The following ATG16L1 variants were observed in gnomAD, a reference collection of about 807,000 sequenced individuals.
ATG16L1 encodes the protein autophagy related 16 like 1.
In ATG16L1, 37 loss-of-function variants were observed where a neutral mutation model predicts 88.5. That is an observed-to-expected ratio of 0.42 (90% CI 0.32 to 0.55). The LOEUF is 0.55. Among genes scored for constraint, ATG16L1 ranks in the 20% least tolerant of loss-of-function variants. The pLI is 0.13. For synonymous variants in ATG16L1, 301 were observed against 281.0 expected (o/e 1.07, Z -0.71); for missense variants, 554 against 752.8 (o/e 0.74, Z 3.09).
intron 12 of ATG16L1, chr2:233,283,019 G>C (rs1698820036): frequency 4.6e-5 from 17 of 367,542 alleles, no homozygotes; most frequent in Middle Eastern, 8.7e-4. Context: ...TACTTTGGTA[G>C]ATAGCAATTT....
chr2:233,251,942 T>C lies in ATG16L1; in HGVS notation c.115T>C (p.Tyr39His). 6.5e-7 allele frequency: 1 copy of C among 1,536,824 alleles called. No individual in the cohort carries two copies. The highest frequency in any genetic ancestry group is 8.8e-7 in the Non-Finnish European group (1 of 1,139,898). Residue 39 changes from tyrosine (Y) to histidine (H), a missense_variant and splice_region_variant, in exon 1 of 18, where the codon TAT (tyrosine) becomes CAT (histidine). Tyr to His is a moderately conservative substitution (Grantham distance 83, BLOSUM62 2). Transcript: ENST00000392017. ...RQAFEEIILQYNKLLEKSDLH... is the reference protein window; with the variant it reads ...RQAFEEIILQHNKLLEKSDLH... ...GGCGTTCGAGGAGATCATCCTGCAGTGTGAGCGGCGCCGGTGCGGGCTGGG... is the reference window on the plus strand; with the variant it reads ...GGCGTTCGAGGAGATCATCCTGCAGCGTGAGCGGCGCCGGTGCGGGCTGGG...
rs1697332714 is a variant in ATG16L1 at position 233,263,116 on chromosome 2, G to C, written c.210-14G>C. ...TTTGCACATTCTCTTCATCTGCCTG[G>C]TTTGCCAATTTAGTCCCGGACATGA... On this transcript the variant is annotated splice_polypyrimidine_tract_variant and intron_variant, in intron 2 of 17. Coordinates refer to ENST00000392017, the MANE Select transcript of ATG16L1 (RefSeq NM_030803.7). 1 of 1,612,374 alleles carries C rather than the reference G, an allele frequency of 6.2e-7. No individual in the cohort carries two copies. The highest frequency in any genetic ancestry group is 8.5e-7 in the Non-Finnish European group (1 of 1,178,670).
rs1041907389 is a variant in ATG16L1 at position 233,292,538 on chromosome 2, C to CTA, written c.1628+106_1628+107dup. ...AGCTAAATTTTGTTCAGTGCCCAAC[C>CTA]TATGTTTCCAGGAGTGTGCCTGTAA... On this transcript the variant is annotated intron_variant, in intron 16 of 17. Transcript: ENST00000392017. 4.3e-6 allele frequency: 6 copies of CTA among 1,407,338 alleles called. No individual in the cohort carries two copies. The African/African-American group carries it at 8.5e-5, about 20-fold the overall frequency. The allele number at this position is 1,407,338 out of a possible 1,614,324, so 87.2% of individuals were successfully genotyped here. A position where few individuals can be genotyped will look rare whatever the true frequency, so the allele number is the denominator to read the frequency against.
chr2:233,270,000 A>C lies in ATG16L1; in HGVS notation c.642-2A>C. The stretch of plus-strand genomic sequence containing the variant: ...GGGCTTTTTTTTTTTTTTTCCCAAC[A>C]GGAGGCGGCAAGCCCGGCTGCAGAA... On this transcript the variant is annotated splice_acceptor_variant, in intron 5 of 17. Coordinates refer to ENST00000392017, the MANE Select transcript of ATG16L1 (RefSeq NM_030803.7). LOFTEE classifies it high-confidence loss of function. The C allele has an allele frequency of 1.3e-6, 2 of 1,569,318 alleles. No individual in the cohort carries two copies. The highest frequency in any genetic ancestry group is 1.7e-6 in the Non-Finnish European group (2 of 1,163,750).
In ATG16L1 at chr2:233,251,861, C is replaced by T. The variant is rs1405291656; in HGVS notation, c.34C>T (p.Arg12Cys). Reference sequence around the variant, plus strand: ...GGGCCTCCGCGCCGCTGACTTCCCCCGCTGGAAGCGCCACATCTCGGAGCA... The same window carrying T: ...GGGCCTCCGCGCCGCTGACTTCCCCTGCTGGAAGCGCCACATCTCGGAGCA... The part of the protein sequence containing the change: ...SSGLRAADFP[R>C]WKRHISEQLR... The change falls in exon 1 of 18, where the codon CGC (arginine) becomes TGC (cysteine). Residue 12 changes from arginine to cysteine, a missense_variant. Transcript: ENST00000392017. The T allele has an allele frequency of 1.9e-6, 3 of 1,550,360 alleles. No homozygotes were observed. Among genetic ancestry groups the T allele is most frequent in the Admixed American group, 2.0e-5 (1 of 51,076 alleles).
intron 12 of ATG16L1, chr2:233,282,984 T>G (rs1339957668): frequency 2.1e-6 from 1 of 479,820 alleles, no homozygotes; most frequent in African/African-American, 2.0e-5. Context: ...ATGAAAACCT[T>G]GGAATACTCT....
intron 6 of ATG16L1, among the ~76,000 whole-genome samples, chr2:233,272,106 G>C (rs1187573093): frequency 6.6e-6 from 1 of 152,216 alleles, no homozygotes; most frequent in Admixed American, 6.5e-5. Flanking sequence ...AACAGTAGGT[G>C]ATGAAATCTT....
chr2:233,295,112 C>T lies in ATG16L1; in HGVS notation c.*762C>T, dbSNP rs1471717813. On this transcript the variant is annotated 3_prime_UTR_variant, in exon 18 of 18. Coordinates refer to ENST00000392017, the MANE Select transcript of ATG16L1 (RefSeq NM_030803.7). ...TGCAGACACCCAGAAGGTGGGTGCA[C>T]ACTGCATGCTTGGGGGTGCCAAGGG... The T allele has an allele frequency of 1.3e-5, 2 of 152,542 alleles. No homozygotes were observed. The highest frequency in any genetic ancestry group is 2.4e-5 in the African/African-American group (1 of 41,412). The allele number at this position is 152,542 out of a possible 1,614,324, so 9.4% of individuals were successfully genotyped here. A position where few individuals can be genotyped will look rare whatever the true frequency, so the allele number is the denominator to read the frequency against.
intron 1 of ATG16L1, among the ~76,000 whole-genome samples, chr2:233,252,773 T>C (rs1187073443): frequency 2.0e-5 from 3 of 152,172 alleles, no homozygotes; most frequent in Non-Finnish European, 2.9e-5. Context: ...AGAGGTGGTT[T>C]TCTTTCCCCT....
At chr2:233,278,103 A>G (rs1698493993) in intron 10 of ATG16L1, among the ~76,000 whole-genome samples, 1 of 152,184 alleles carries the variant, frequency 6.6e-6, no homozygotes, top group Non-Finnish European at 1.5e-5. Flanking sequence ...TAGCCTAGGG[A>G]AAAAATGACT....
rs752938480 is a variant in ATG16L1 at position 233,277,573 on chromosome 2, A to G, written c.960A>G (p.Ala320=). The change falls in exon 10 of 18, where the codon GCA becomes GCG. Residue 320 remains alanine, a synonymous_variant. Transcript: ENST00000392017. ...VPATALCVFD[A]HDGEVNAVQF... is the part of the protein sequence containing the mutation. Reference sequence around the variant, plus strand: ...ACAGGGTGCTTGTCTTGCAGGATGCACATGATGGGGAAGTCAACGCTGTGC... The same window carrying G: ...ACAGGGTGCTTGTCTTGCAGGATGCGCATGATGGGGAAGTCAACGCTGTGC... The G allele has an allele frequency of 4.3e-6, 7 of 1,613,838 alleles. No individual in the cohort carries two copies. The African/African-American group carries it at 6.7e-5, about 15-fold the overall frequency.
intron 14 of ATG16L1, 52 bp downstream of exon 14, chr2:233,290,405 G>A: frequency 7.1e-7 from 1 of 1,401,088 alleles, no homozygotes; most frequent in Non-Finnish European, 1.0e-6. Context: ...CCACAGTAAT[G>A]GTTCTGTACA....
Position 233,251,895 on chromosome 2 carries a change from G to T in ATG16L1, c.68G>T (p.Arg23Leu), listed in dbSNP as rs553862118. The T allele has an allele frequency of 1.3e-6, 2 of 1,550,870 alleles. No individual in the cohort carries two copies. The highest frequency in any genetic ancestry group is 2.0e-5 in the Admixed American group (1 of 51,188). ...WKRHISEQLRRRDRLQRQAFE... is the reference protein window; with the variant it reads ...WKRHISEQLRLRDRLQRQAFE... ...CGCCACATCTCGGAGCAACTGAGGCGCCGGGACCGGCTGCAGAGACAGGCG... is the reference window on the plus strand; with the variant it reads ...CGCCACATCTCGGAGCAACTGAGGCTCCGGGACCGGCTGCAGAGACAGGCG... Residue 23 changes from arginine (R) to leucine (L), a missense_variant, in exon 1 of 18, where the codon CGC (arginine) becomes CTC (leucine). By Grantham distance (102) the Arg-to-Leu change is moderately radical. Around this residue, in one of 5 missense-constraint regions of ATG16L1, gnomAD observed 101 missense variants for 107.0 expected, o/e 0.94. Coordinates refer to ENST00000392017, the MANE Select transcript of ATG16L1 (RefSeq NM_030803.7).
intron 14 of ATG16L1, among the ~76,000 whole-genome samples, chr2:233,291,053 G>T (rs1180328584): frequency 6.6e-6 from 1 of 152,210 alleles, no homozygotes; most frequent in Non-Finnish European, 1.5e-5. Context: ...AGAGGAACAT[G>T]TGGAGGAGAG....
intron 2 of ATG16L1, 122 bp downstream of exon 2, chr2:233,256,317 C>T: frequency 2.4e-6 from 2 of 818,312 alleles, no homozygotes; most frequent in Non-Finnish European, 3.9e-6. Context: ...TTTTTGTCAG[C>T]TCCTTTCAAA....
At position 233,264,926 on chromosome 2, in the gene ATG16L1, G is replaced by A; in HGVS notation, c.424G>A (p.Glu142Lys). ...AECLQTISDL[E>K]TECLDLRTKL... is the part of the protein sequence containing the mutation. ...ATGTTTGCAGACTATCTCTGACCTG[G>A]AGACGGAGTGCCTAGACCTGCGCAC... Residue 142 changes from glutamate to lysine, a missense_variant, in exon 5 of 18, where the codon GAG (glutamate) becomes AAG (lysine). By Grantham distance (56) the Glu-to-Lys change is moderately conservative (BLOSUM62 1). Around this residue, in one of 5 missense-constraint regions of ATG16L1, gnomAD observed 50 missense variants for 49.4 expected, o/e 1.01. Coordinates refer to ENST00000392017, the MANE Select transcript of ATG16L1 (RefSeq NM_030803.7). The A allele has an allele frequency of 1.2e-6, 2 of 1,614,064 alleles. No individual in the cohort carries two copies. The highest frequency in any genetic ancestry group is 1.7e-6 in the Non-Finnish European group (2 of 1,179,912).
intron 1 of ATG16L1, among the ~76,000 whole-genome samples, chr2:233,252,864 C>A (rs1029060967): frequency 1.1e-4 from 16 of 152,202 alleles, no homozygotes; most frequent in Non-Finnish European, 2.2e-4. Flanking sequence ...CCATCTGCGT[C>A]TGAAAGTAAA....
chr2:233,265,359 TGAA>T (rs763010097), intron 5 of ATG16L1, among the ~76,000 whole-genome samples: 9 of 152,242 alleles, frequency 5.9e-5, no homozygotes, highest in Non-Finnish European at 1.3e-4. Context: ...CATAATTTTG[TGAA>T]GCTTTTTGTA....
chr2:233,264,130 C>CCCATGTCCTTTGT (rs1164537973), intron 4 of ATG16L1, 65 bp downstream of exon 4: 20 of 1,535,968 alleles, frequency 1.3e-5, no homozygotes, highest in South Asian at 9.0e-5. Context: ...TTCTGCTGAC[C>CCCATGTCCTTTGT]TCTTGTGAGC....
Sources: gnomAD v4.1 joint callset for allele counts (sites outside exome capture counted in the v4.1 genomes callset) on GRCh38, gnomAD v4.1.1 for gene constraint, gnomAD v4.1.1 regional missense constraint, MANE v1.5 for transcripts, NCBI Gene and HGNC (gene_info 2026-07-23, HGNC 2026-07-21) for gene names.